USP16: variants seen among roughly 807,000 people sequenced by gnomAD.
USP16 encodes ubiquitin specific peptidase 16.
Under a neutral mutation model 95.9 loss-of-function variants are expected in USP16, and 77 were observed. The ratio of observed to expected loss-of-function variants is 0.80; its 90% CI spans 0.67 to 0.97. The LOEUF (loss-of-function observed/expected upper bound fraction) is 0.97. Ranked by LOEUF, USP16 falls within the 50% of genes least tolerant of loss-of-function variation. The pLI is 0.00. For missense variants in USP16, 943 were observed against 959.9 expected (o/e 0.98, Z 0.23); for synonymous variants, 303 against 318.2 (o/e 0.95, Z 0.51).
intron 1 of USP16, chr21:29,025,679 C>A: frequency 1.1e-6 from 1 of 945,326 alleles, no homozygotes; most frequent in Non-Finnish European, 1.3e-6. Flanking sequence ...CTTCTGACTT[C>A]TCATTTTTCA....
chr21:29,048,909 C>T, intron 15 of USP16, 54 bp downstream of exon 15: 1 of 1,321,850 alleles, frequency 7.6e-7, no homozygotes, highest in Non-Finnish European at 1.1e-6. Flanking sequence ...ACTTTATTAC[C>T]TATTTTTTTC....
intron 12 of USP16, 130 bp downstream of exon 12, chr21:29,042,658 A>G: frequency 1.4e-6 from 1 of 713,888 alleles, no homozygotes; most frequent in Non-Finnish European, 2.2e-6. Context: ...AATTTGAGGT[A>G]GAATGCATTT....
In USP16 at chr21:29,047,165, A is replaced by G. The variant is rs779824433; in HGVS notation, c.1855A>G (p.Thr619Ala). 9 of 1,614,046 alleles carry G rather than the reference A, an allele frequency of 5.6e-6. 1 individual carries two copies. Among genetic ancestry groups the G allele is most frequent in the East Asian group, 2.2e-5 (1 of 44,888 alleles). The change falls in exon 14 of 18, where the codon ACT becomes GCT. Residue 619 changes from threonine to alanine, a missense_variant. Coordinates refer to ENST00000399976, the MANE Select transcript of USP16 (RefSeq NM_006447.3). ...VNEDPETAFC[T>A]LANREVFNTD... ...TGAAGATCCAGAAACTGCTTTCTGT[A>G]CTCTTGCAAACAGGGAAGTTTTCAA...
chr21:29,034,606 C>T (rs775691252), intron 3 of USP16, among the ~76,000 whole-genome samples: 14 of 151,982 alleles, frequency 9.2e-5, no homozygotes, highest in Admixed American at 6.5e-4. Flanking sequence ...TGTGAGCCAC[C>T]GCGCCTAGCG....
chr21:29,042,023 G>GA lies in USP16; in HGVS notation c.1047dup (p.Ser350IlefsTer7), dbSNP rs781590124. The GA allele has an allele frequency of 9.9e-6, 16 of 1,612,662 alleles. No homozygotes were observed. The highest frequency in any genetic ancestry group is 1.2e-5 in the Non-Finnish European group (14 of 1,179,346). On this transcript the variant is annotated frameshift_variant, in exon 11 of 18. Coordinates refer to ENST00000399976, the MANE Select transcript of USP16 (RefSeq NM_006447.3). LOFTEE classifies it high-confidence loss of function. Reference sequence around the variant, plus strand: ...TTTTTTTCTCCATAGATTATGAGAAGAAAAAATCAATGCCAAGTTTTGTTG... The same window carrying GA: ...TTTTTTTCTCCATAGATTATGAGAAGAAAAAAATCAATGCCAAGTTTTGTTG...
At position 29,039,586 on chromosome 21, in the gene USP16, A is replaced by G. The variant is rs763427202; in HGVS notation, c.951+18A>G. 1.2e-6 allele frequency: 2 copies of G among 1,603,102 alleles called. No homozygotes were observed. Among genetic ancestry groups the G allele is most frequent in the East Asian group, 4.5e-5 (2 of 44,714 alleles). ...AACACCAAGTTAGCATGTTATGACC[A>G]TTGTATTTTATGATCTTATCTTCAT... On this transcript the variant is annotated intron_variant, in intron 9 of 17. Coordinates refer to ENST00000399976, the MANE Select transcript of USP16 (RefSeq NM_006447.3).
chr21:29,038,385 G>A lies in USP16; in HGVS notation c.687G>A (p.Met229Ile). The change falls in exon 7 of 18, where the codon ATG becomes ATA. Residue 229 changes from methionine to isoleucine, a missense_variant. Transcript: ENST00000399976. Reference sequence around the variant, plus strand: ...GAGAACTACTAAAAGAAGTGAAAATGTCTGGAACAATTGTAAAAATTGAAC... The same window carrying A: ...GAGAACTACTAAAAGAAGTGAAAATATCTGGAACAATTGTAAAAATTGAAC... The part of the protein sequence containing the change: ...VLRELLKEVK[M>I]SGTIVKIEPP... 1 of 1,612,800 alleles carries A rather than the reference G, an allele frequency of 6.2e-7. No individual in the cohort carries two copies. The highest frequency in any genetic ancestry group is 8.5e-7 in the Non-Finnish European group (1 of 1,179,220).
At chr21:29,033,044 CTTGTA>C (rs1196403310) in intron 3 of USP16, among the ~76,000 whole-genome samples, 2 of 152,108 alleles carry the variant, frequency 1.3e-5, no homozygotes, top group Non-Finnish European at 2.9e-5. Flanking sequence ...ATACTGTTTA[CTTGTA>C]TTTGAAAGGT....
intron 15 of USP16, 88 bp downstream of exon 15, chr21:29,048,943 TG>T: frequency 9.9e-7 from 1 of 1,012,154 alleles, no homozygotes; most frequent in Non-Finnish European, 1.5e-6. Context: ...CATACTACTT[TG>T]TTTCTTTGGT....
At chr21:29,053,467 CAGAGTTGTTAATAGCT>C (rs1601079847) in intron 16 of USP16, 1 of 206,614 alleles carries the variant, frequency 4.8e-6, no homozygotes, top group East Asian at 1.1e-4. Context: ...ACAGGGTATT[CAGAGTTGTTAATAGCT>C]AGGGTTGTTA....
chr21:29,037,578 ACTTTT>A, intron 6 of USP16, 115 bp downstream of exon 6: 8 of 642,284 alleles, frequency 1.2e-5, no homozygotes, highest in Non-Finnish European at 1.6e-5. Flanking sequence ...TCCAAAGAAA[ACTTTT>A]TTTTTTTTTT....
At chr21:29,038,511 C>G in intron 7 of USP16, 81 bp downstream of exon 7, 2 of 1,040,068 alleles carry the variant, frequency 1.9e-6, no homozygotes, top group Non-Finnish European at 2.9e-6. Context: ...AACTGACACT[C>G]ATTTCCACTG....
intron 9 of USP16, among the ~76,000 whole-genome samples, chr21:29,040,074 T>C (rs1345864114): frequency 6.6e-6 from 1 of 152,212 alleles, no homozygotes; most frequent in African/African-American, 2.4e-5. Flanking sequence ...ATAACTAATA[T>C]TTATTTCGCA....
chr21:29,034,112 T>C (rs918148667), intron 3 of USP16, among the ~76,000 whole-genome samples: 3 of 152,186 alleles, frequency 2.0e-5, no homozygotes, highest in Non-Finnish European at 2.9e-5. Flanking sequence ...TCATAATTTT[T>C]GAATGGTGTA....
At chr21:29,046,302 A>G (rs550939230) in intron 13 of USP16, among the ~76,000 whole-genome samples, 33 of 152,074 alleles carry the variant, frequency 2.2e-4, no homozygotes, top group Non-Finnish European at 1.0e-4. Context: ...GTGCCCAGCT[A>G]ATTTTTATTT....
At position 29,038,340 on chromosome 21, in the gene USP16, G is replaced by T; in HGVS notation, c.642G>T (p.Leu214Phe). 6.2e-7 allele frequency: 1 copy of T among 1,603,986 alleles called. No homozygotes were observed. ...TCFFNAVMQN[L>F]SQTPVLRELL... The stretch of plus-strand genomic sequence containing the variant: ...TTTTTCACCCTACATTCTAGAACTT[G>T]TCACAAACACCAGTGCTTAGAGAAC... Residue 214 changes from leucine to phenylalanine, a missense_variant, in exon 7 of 18, where the codon TTG (leucine) becomes TTT (phenylalanine). Physicochemically the swap from Leu to Phe is conservative, Grantham distance 22. Transcript: ENST00000399976.
rs1021408227 is a variant in USP16 at position 29,046,929 on chromosome 21, T to C, written c.1619T>C (p.Ile540Thr). The change falls in exon 14 of 18, where the codon ATC becomes ACC. Residue 540 changes from isoleucine (I) to threonine (T), a missense_variant. By Grantham distance (89) the Ile-to-Thr change is moderately conservative. Transcript: ENST00000399976. ...ACAGAGGAAGTAGATATGAAAAATA[T>C]CAACATGGATAATGATCTGGAGGTT... The part of the protein sequence containing the change: ...KSTEEVDMKN[I>T]NMDNDLEVLT... 4 of 1,614,114 alleles carry C rather than the reference T, an allele frequency of 2.5e-6. No homozygotes were observed. The highest frequency in any genetic ancestry group is 3.4e-6 in the Non-Finnish European group (4 of 1,180,018).
At chr21:29,029,075 G>C (rs2085038092) in intron 2 of USP16, among the ~76,000 whole-genome samples, 1 of 152,198 alleles carries the variant, frequency 6.6e-6, no homozygotes, top group Non-Finnish European at 1.5e-5. Flanking sequence ...ATCGGCACTG[G>C]TTAGTATCAT....
chr21:29,027,844 G>C (rs1447398632), intron 1 of USP16, 29 bp from the exon 2 acceptor site: 1 of 1,510,064 alleles, frequency 6.6e-7, no homozygotes, highest in Non-Finnish European at 9.1e-7. Context: ...TTTTTTTTTT[G>C]GTCAAGCTAA....
Sources: gnomAD v4.1 joint callset for allele counts (sites outside exome capture counted in the v4.1 genomes callset) on GRCh38, gnomAD v4.1.1 for gene constraint, MANE v1.5 for transcripts, NCBI Gene and HGNC (gene_info 2026-07-23, HGNC 2026-07-21) for gene names.